NHERF4: variants seen among roughly 807,000 people sequenced by gnomAD.
NHERF4 encodes Na(+)/H(+) exchange regulatory cofactor NHE-RF4.
the NHERF4 span, chr11:119,188,609 C>T: frequency 1.6e-5 from 25 of 1,612,194 alleles, no homozygotes; most frequent in East Asian, 6.7e-5. Context: ...GGCTGAGGTC[C>T]GAAAGATTTG....
the NHERF4 span, chr11:119,187,791 T>C: frequency 1.4e-6 from 2 of 1,459,174 alleles, no homozygotes; most frequent in African/African-American, 1.4e-5. Flanking sequence ...CCTAACCTCC[T>C]TATCTGGTCT....
the NHERF4 span, chr11:119,185,936 A>G: frequency 4.1e-5 from 66 of 1,614,172 alleles, no homozygotes; most frequent in East Asian, 8.9e-5. Context: ...TCTGCAGGAC[A>G]CAGCCTCGTT....
At chr11:119,187,140 CA>C in the NHERF4 span, 101,252 of 488,164 alleles carry the variant, frequency 0.21, 1 homozygote, top group East Asian at 0.23. Flanking sequence ...AACTCCATCT[CA>C]AAAAAAAAAA....
chr11:119,189,891 C>T, the NHERF4 span: 6 of 332,702 alleles, frequency 1.8e-5, no homozygotes, highest in South Asian at 4.4e-5. The surrounding 1 kb of genome is among the most constrained non-coding windows in gnomAD (Gnocchi z 5.8). Flanking sequence ...CTTAGCATTG[C>T]GGGAGGGTGG....
the NHERF4 span, chr11:119,186,394 C>A: frequency 1.9e-6 from 3 of 1,565,416 alleles, no homozygotes; most frequent in African/African-American, 2.7e-5. The surrounding 1 kb of genome is among the most constrained non-coding windows in gnomAD (Gnocchi z 4.4). Context: ...CCTATCAGGA[C>A]ACAGGGTCTG....
At chr11:119,187,388 G>A in the NHERF4 span, 1 of 1,613,958 alleles carries the variant, frequency 6.2e-7, no homozygotes, top group Admixed American at 1.7e-5. Flanking sequence ...CCCACCCTAG[G>A]CCCAGGGGTC....
At chr11:119,189,364 A>G in the NHERF4 span, 2 of 1,532,906 alleles carry the variant, frequency 1.3e-6, no homozygotes, top group East Asian at 4.5e-5. This position sits in a 1 kb window ranked among gnomAD's most constrained non-coding sequence, Gnocchi z 5.8. Flanking sequence ...CTCGTGAAAT[A>G]AACCCCATTT....
chr11:119,185,801 A>C, the NHERF4 span: 1 of 1,305,594 alleles, frequency 7.7e-7, no homozygotes, highest in South Asian at 1.2e-5. Context: ...TTGGAGCAGA[A>C]AGGAGGGGGC....
At chr11:119,189,712 C>A in the NHERF4 span, 1 of 593,918 alleles carries the variant, frequency 1.7e-6, no homozygotes, top group African/African-American at 1.9e-5. This position sits in a 1 kb window ranked among gnomAD's most constrained non-coding sequence, Gnocchi z 5.8. Context: ...GTCTGAGGCT[C>A]CAGAGGATGT....
the NHERF4 span, chr11:119,185,955 A>C: frequency 1.9e-6 from 3 of 1,614,124 alleles, no homozygotes; most frequent in East Asian, 6.7e-5. Flanking sequence ...TTAACTCTGT[A>C]AGTGCCACGA....
chr11:119,185,602 AT>A, the NHERF4 span: 1 of 1,278,254 alleles, frequency 7.8e-7, no homozygotes. Flanking sequence ...GGCACACTTG[AT>A]TTTGGGGCTT....
chr11:119,188,057 A>C, the NHERF4 span: 1 of 1,552,650 alleles, frequency 6.4e-7, no homozygotes, highest in South Asian at 1.2e-5. Context: ...GGCACTGCCC[A>C]CCAAGCCCCG....
At chr11:119,187,448 G>GT in the NHERF4 span, 1 of 1,614,070 alleles carries the variant, frequency 6.2e-7, no homozygotes, top group Non-Finnish European at 8.5e-7. Context: ...TTTGGCTTCA[G>GT]TGTCACCCAT....
the NHERF4 span, chr11:119,189,533 G>A: frequency 1.2e-6 from 2 of 1,606,932 alleles, no homozygotes; most frequent in Admixed American, 3.3e-5. This position sits in a 1 kb window ranked among gnomAD's most constrained non-coding sequence, Gnocchi z 5.8. Context: ...GGGCTACCGT[G>A]TCTTCACTCT....
the NHERF4 span, chr11:119,187,319 T>C: frequency 6.2e-7 from 1 of 1,612,760 alleles, no homozygotes; most frequent in Non-Finnish European, 8.5e-7. Context: ...CTGACAGTAT[T>C]GGCACGGCAT....
chr11:119,186,496 C>T, the NHERF4 span: 8 of 1,614,010 alleles, frequency 5.0e-6, no homozygotes, highest in African/African-American at 4.0e-5. This position sits in a 1 kb window ranked among gnomAD's most constrained non-coding sequence, Gnocchi z 4.4. Context: ...GAGCCTGGAG[C>T]GGCCTCGCTT....
At chr11:119,189,321 G>C in the NHERF4 span, 2,491 of 1,485,598 alleles carry the variant, frequency 1.7e-3, 35 homozygotes, top group African/African-American at 0.023. The surrounding 1 kb of genome is among the most constrained non-coding windows in gnomAD (Gnocchi z 5.8). Flanking sequence ...TGCAGGTTGG[G>C]ACTTCAGGTC....
the NHERF4 span, chr11:119,185,889 G>A: frequency 6.2e-7 from 1 of 1,613,572 alleles, no homozygotes; most frequent in African/African-American, 1.3e-5. Flanking sequence ...AGAAGAATGT[G>A]ACTCTCCTCC....
chr11:119,187,140 CAAAAAAAAAA>C, the NHERF4 span: 2 of 507,442 alleles, frequency 3.9e-6, no homozygotes, highest in Non-Finnish European at 5.9e-6. Context: ...AACTCCATCT[CAAAAAAAAAA>C]AAAAAAAAGA....
Sources: allele counts gnomAD v4.1 joint callset, GRCh38; gene constraint gnomAD v4.1.1; non-coding constraint Gnocchi (gnomAD v3.1); transcripts MANE v1.5; gene names NCBI Gene and HGNC (gene_info 2026-07-23, HGNC 2026-07-21).